Variants in CCDC159 observed in about 807,000 individuals in gnomAD.
CCDC159 encodes the protein coiled-coil domain containing 159, also known as coiled-coil domain-containing protein 159.
Under a neutral mutation model 50.9 loss-of-function variants are expected in CCDC159, and 40 were observed. The observed-to-expected ratio is 0.79, with a 90% CI of 0.61 to 1.02. CCDC159 has a LOEUF of 1.02. CCDC159 is among the 50% of genes least tolerant of loss of function. The pLI is 0.00. For synonymous variants in CCDC159, 146 were observed against 138.9 expected, an observed-to-expected ratio of 1.05 and a Z score of -0.36; for missense variants, 356 against 371.5, an observed-to-expected ratio of 0.96 and a Z score of 0.34.
At chr19:11,351,075 A>G in intron 5 of CCDC159, 72 bp downstream of exon 5, 1 of 1,211,110 alleles carries the variant, frequency 8.3e-7, no homozygotes, top group Non-Finnish European at 1.1e-6. Flanking sequence ...GAATGGAGGC[A>G]GGATGGGGGA....
intron 1 of CCDC159, among the ~76,000 whole-genome samples, chr19:11,348,393 A>T (rs983040192): frequency 6.6e-6 from 1 of 152,024 alleles, no homozygotes; most frequent in Non-Finnish European, 1.5e-5. Context: ...GGTTCAAGTG[A>T]TTCTCCTGCC....
chr19:11,353,546 C>A lies in CCDC159; in HGVS notation c.663C>A (p.Asp221Glu), dbSNP rs1967701480. ...PQGASGCWKDDLQKELSDIWS... is the reference protein window; with the variant it reads ...PQGASGCWKDELQKELSDIWS... ...GAGCCAGTGGCTGCTGGAAGGATGA[C>A]CTCCAGAAGGAACTGAGTGATATAT... Residue 221 changes from aspartate to glutamate, a missense_variant, in exon 8 of 11, where the codon GAC becomes GAA. Coordinates refer to ENST00000458408, the MANE Select transcript of CCDC159 (RefSeq NM_001080503.3). The A allele has an allele frequency of 1.2e-6, 2 of 1,613,616 alleles. No homozygotes were observed. Among genetic ancestry groups the A allele is most frequent in the Admixed American group, 1.7e-5 (1 of 59,968 alleles).
intron 1 of CCDC159, among the ~76,000 whole-genome samples, chr19:11,347,537 C>T (rs548277649): frequency 6.5e-4 from 99 of 152,228 alleles, no homozygotes; most frequent in Admixed American, 2.4e-3. Flanking sequence ...TCCATGTTGG[C>T]CAGGCTGGTC....
chr19:11,349,807 C>A, intron 2 of CCDC159, 120 bp downstream of exon 2: 1 of 1,176,920 alleles, frequency 8.5e-7, no homozygotes, highest in Non-Finnish European at 1.2e-6. Flanking sequence ...CTGCCCAAGG[C>A]TGAGTGGGCC....
Position 11,349,925 on chromosome 19 carries a change from T to C in CCDC159, c.56-13T>C, listed in dbSNP as rs754961297. The C allele has an allele frequency of 9.9e-6, 16 of 1,613,318 alleles. No individual in the cohort carries two copies. The East Asian group carries it at 3.6e-4, about 36-fold the overall frequency. On this transcript the variant is annotated splice_polypyrimidine_tract_variant and intron_variant, in intron 2 of 10. Coordinates refer to ENST00000458408, the MANE Select transcript of CCDC159 (RefSeq NM_001080503.3). ...CCCTTACAGCCCTGGCTCACCCTCTTCTCTGCCCACAGCCAAGACCATTGT... is the reference window on the plus strand; with the variant it reads ...CCCTTACAGCCCTGGCTCACCCTCTCCTCTGCCCACAGCCAAGACCATTGT...
intron 9 of CCDC159, 83 bp from the exon 10 acceptor site, chr19:11,354,495 CAA>C: frequency 8.1e-7 from 1 of 1,233,448 alleles, no homozygotes; most frequent in South Asian, 1.5e-5. Flanking sequence ...GTTTAAGTAT[CAA>C]TGAGGTATAC....
intron 1 of CCDC159, among the ~76,000 whole-genome samples, chr19:11,347,417 G>A (rs963534551): frequency 6.6e-6 from 1 of 152,180 alleles, no homozygotes; most frequent in Admixed American, 6.5e-5. Flanking sequence ...TGCAACCTCC[G>A]CCTCTGAGGT....
chr19:11,349,441 G>A (rs762446687), intron 1 of CCDC159: 18 of 611,040 alleles, frequency 2.9e-5, no homozygotes, highest in South Asian at 5.8e-5. Context: ...GGCTGTGATC[G>A]TCTCTCAGCC....
rs2144608379 is a variant in CCDC159 at position 11,346,586 on chromosome 19, G to A, written c.-21G>A. Reference sequence around the variant, plus strand: ...GATCAAACTTCAGCGTCACAGCTGAGGACTGGCTTCGTGGTCCCTGATGGG... The same window carrying A: ...GATCAAACTTCAGCGTCACAGCTGAAGACTGGCTTCGTGGTCCCTGATGGG... On this transcript the variant is annotated 5_prime_UTR_variant, in exon 1 of 11. Coordinates refer to ENST00000458408, the MANE Select transcript of CCDC159 (RefSeq NM_001080503.3). The A allele has an allele frequency of 6.4e-6, 10 of 1,551,546 alleles. No homozygotes were observed. Among genetic ancestry groups the A allele is most frequent in the Admixed American group, 2.0e-5 (1 of 50,982 alleles).
intron 1 of CCDC159, chr19:11,349,306 G>A: frequency 1.5e-6 from 1 of 667,818 alleles, no homozygotes; most frequent in Non-Finnish European, 2.2e-6. Flanking sequence ...TGCACCCACT[G>A]TGTTTCTTCA....
intron 1 of CCDC159, 154 bp from the exon 2 acceptor site, chr19:11,349,500 A>G: frequency 3.4e-6 from 3 of 891,948 alleles, no homozygotes; most frequent in South Asian, 3.1e-5. Flanking sequence ...AGGTGCATGA[A>G]TATGCCTGGA....
Position 11,354,602 on chromosome 19 carries a change from G to A in CCDC159, c.795G>A (p.Leu265=), listed in dbSNP as rs753226798. 1.3e-6 allele frequency: 2 copies of A among 1,579,368 alleles called. No individual in the cohort carries two copies. The highest frequency in any genetic ancestry group is 1.3e-5 in the African/African-American group (1 of 74,398). The part of the protein sequence containing the change: ...SLRGHKGHQC[L]SPPLPSWDSD... Reference sequence around the variant, plus strand: ...CAGGCCACAAGGGGCACCAGTGCCTGAGCCCTCCACTCCCCTCCTGGGACT... The same window carrying A: ...CAGGCCACAAGGGGCACCAGTGCCTAAGCCCTCCACTCCCCTCCTGGGACT... The change falls in exon 10 of 11, where the codon CTG becomes CTA. Residue 265 remains leucine (L), a synonymous_variant. Transcript: ENST00000458408.
At position 11,352,152 on chromosome 19, in the gene CCDC159, G is replaced by A. The variant is rs1568313884; in HGVS notation, c.567+19G>A. The A allele has an allele frequency of 1.2e-6, 2 of 1,610,734 alleles. No individual in the cohort carries two copies. Among genetic ancestry groups the A allele is most frequent in the Non-Finnish European group, 1.7e-6 (2 of 1,179,356 alleles). On this transcript the variant is annotated intron_variant, in intron 7 of 10. Coordinates refer to ENST00000458408, the MANE Select transcript of CCDC159 (RefSeq NM_001080503.3). Reference sequence around the variant, plus strand: ...CCGCAAAGTGAGTGGAGGAGATGGGGACCCTGGGGAGGAGTGGGAGAGGGA... The same window carrying A: ...CCGCAAAGTGAGTGGAGGAGATGGGAACCCTGGGGAGGAGTGGGAGAGGGA...
chr19:11,352,031 T>C, intron 6 of CCDC159, 26 bp from the exon 7 acceptor site: 1 of 1,613,424 alleles, frequency 6.2e-7, no homozygotes, highest in Non-Finnish European at 8.5e-7. Flanking sequence ...TCAGCCTTTG[T>C]CCGCCTGAGC....
chr19:11,347,399 C>G (rs889054372), intron 1 of CCDC159, among the ~76,000 whole-genome samples: 1 of 152,186 alleles, frequency 6.6e-6, no homozygotes, highest in Admixed American at 6.5e-5. Context: ...GGCATGATAT[C>G]GGCTCACTGC....
In CCDC159 at chr19:11,346,586, G is replaced by C; in HGVS notation, c.-21G>C. ...GATCAAACTTCAGCGTCACAGCTGA[G>C]GACTGGCTTCGTGGTCCCTGATGGG... On this transcript the variant is annotated 5_prime_UTR_variant, in exon 1 of 11. Coordinates refer to ENST00000458408, the MANE Select transcript of CCDC159 (RefSeq NM_001080503.3). 6.4e-7 allele frequency: 1 copy of C among 1,551,546 alleles called. No individual in the cohort carries two copies.
At chr19:11,351,674 G>C in intron 5 of CCDC159, 2 of 482,718 alleles carry the variant, frequency 4.1e-6, no homozygotes, top group East Asian at 3.6e-5. Context: ...GGGAGGTGGA[G>C]GCCAGGTGAT....
At chr19:11,352,643 ACT>A (rs1339837960) in intron 7 of CCDC159, 1 of 150,460 alleles carries the variant, frequency 6.6e-6, no homozygotes, top group African/African-American at 2.5e-5. Context: ...GAAAAAGAAA[ACT>A]CATCCTGTTG....
intron 1 of CCDC159, chr19:11,348,982 G>A: frequency 7.5e-7 from 1 of 1,338,632 alleles, no homozygotes; most frequent in Non-Finnish European, 9.8e-7. Flanking sequence ...CCTCGGACAA[G>A]GCTCTGGAGC....
Sources: gnomAD v4.1 joint callset for allele counts (sites outside exome capture counted in the v4.1 genomes callset) on GRCh38, gnomAD v4.1.1 for gene constraint, MANE v1.5 for transcripts, NCBI Gene and HGNC (gene_info 2026-07-23, HGNC 2026-07-21) for gene names.